The following ITGA2 variants were observed in gnomAD, a reference collection of about 807,000 sequenced individuals.
The protein encoded by ITGA2 is integrin subunit alpha 2.
ITGA2 carries 101 observed loss-of-function variants against 146.3 expected under a neutral mutation model. That is an observed-to-expected ratio of 0.69 (90% confidence interval 0.59 to 0.81). ITGA2 has a LOEUF of 0.81. ITGA2 is among the 40% of genes least tolerant of loss of function. The probability of loss-of-function intolerance (pLI) is 0.00; values close to 1 mark genes in which losing one functional copy is unlikely to be tolerated. For missense variants in ITGA2, 1,281 were observed against 1,402.7 expected (o/e 0.91, Z 1.39); for synonymous variants, 477 against 487.1 (o/e 0.98, Z 0.27).
At chr5:53,063,502 C>T (rs1405157114) in intron 13 of ITGA2, among the ~76,000 whole-genome samples, 1 of 151,328 alleles carries the variant, frequency 6.6e-6, no homozygotes, top group Non-Finnish European at 1.5e-5. Context: ...CATAATTTTT[C>T]CAATTTGTGG....
chr5:53,066,959 C>T (rs569029563), intron 15 of ITGA2, among the ~76,000 whole-genome samples, 159 bp from the exon 16 acceptor site: 1 of 151,828 alleles, frequency 6.6e-6, no homozygotes, highest in South Asian at 2.1e-4. Flanking sequence ...CTCTGTCTGC[C>T]ATCTTAGAGC....
chr5:53,009,724 T>C (rs1040883144), intron 1 of ITGA2, among the ~76,000 whole-genome samples: 2 of 152,164 alleles, frequency 1.3e-5, no homozygotes, highest in African/African-American at 4.8e-5. Context: ...AAAATGCATG[T>C]GTTGAAATGC....
intron 23 of ITGA2, 33 bp downstream of exon 23, chr5:53,075,337 G>A (rs1157418315): frequency 6.5e-7 from 1 of 1,539,378 alleles, no homozygotes; most frequent in Admixed American, 1.7e-5. Context: ...TGCTATCACT[G>A]ACACCAACTC....
At chr5:53,003,678 C>G (rs1280068715) in intron 1 of ITGA2, among the ~76,000 whole-genome samples, 1 of 152,210 alleles carries the variant, frequency 6.6e-6, no homozygotes, top group South Asian at 2.1e-4. Flanking sequence ...ATCACAAAGT[C>G]TCACCTAGAT....
chr5:53,038,265 G>A (rs2111868207), intron 2 of ITGA2, among the ~76,000 whole-genome samples: 1 of 151,652 alleles, frequency 6.6e-6, no homozygotes, highest in East Asian at 1.9e-4. Context: ...TTGTTTCTCA[G>A]CAAGCCTCTC....
intron 4 of ITGA2, among the ~76,000 whole-genome samples, chr5:53,047,516 TG>T (rs1405216847): frequency 2.0e-5 from 3 of 152,174 alleles, no homozygotes; most frequent in Non-Finnish European, 4.4e-5. Context: ...TGCAGTTAAT[TG>T]GGAAGTGGCC....
chr5:53,046,564 T>C (rs1561119482), intron 4 of ITGA2, among the ~76,000 whole-genome samples: 1 of 151,980 alleles, frequency 6.6e-6, no homozygotes, highest in East Asian at 1.9e-4. Context: ...TACTGATATT[T>C]AGAGATTACA....
chr5:53,056,071 T>C lies in ITGA2; in HGVS notation c.1018T>C (p.Tyr340His), dbSNP rs1175571390. Residue 340 changes from tyrosine to histidine, a missense_variant, in exon 9 of 30, where the codon TAC becomes CAC. Tyr to His is a moderately conservative substitution (Grantham distance 83). Coordinates refer to ENST00000296585, the MANE Select transcript of ITGA2 (RefSeq NM_002203.4). ...AATCGCTAGTATTCCAACAGAAAGA[T>C]ACTTTTTCAATGTGTCTGATGAAGC... ...KAIASIPTER[Y>H]FFNVSDEAAL... 2 of 1,611,664 alleles carry C rather than the reference T, an allele frequency of 1.2e-6. No individual in the cohort carries two copies. Among genetic ancestry groups the C allele is most frequent in the East Asian group, 4.5e-5 (2 of 44,728 alleles).
chr5:52,989,611 G>A (rs1244284247), intron 1 of ITGA2, 79 bp downstream of exon 1: 20 of 1,489,150 alleles, frequency 1.3e-5, no homozygotes, highest in Non-Finnish European at 1.9e-5. Context: ...GGATTGGGCG[G>A]AACTAGGGAG....
Position 53,074,449 on chromosome 5 carries a change from G to C in ITGA2, c.2636G>C (p.Gly879Ala). ...ASQKSVACDV[G>A]YPALKREQQV... ...CAGAAGTCTGTTGCCTGCGATGTAG[G>C]CTACCCTGCTTTAAAGAGAGAACAA... The change falls in exon 21 of 30, where the codon GGC (glycine) becomes GCC (alanine). Residue 879 changes from glycine (G) to alanine (A), a missense_variant. Transcript: ENST00000296585. 1 of 1,612,284 alleles carries C rather than the reference G, an allele frequency of 6.2e-7. No individual in the cohort carries two copies. Among genetic ancestry groups the C allele is most frequent in the East Asian group, 2.2e-5 (1 of 44,774 alleles).
In ITGA2 at chr5:53,051,541, G is replaced by T. The variant is rs1744365374; in HGVS notation, c.761G>T (p.Gly254Val). Residue 254 changes from glycine (G) to valine (V), a missense_variant, in exon 7 of 30, where the codon GGA becomes GTA. By Grantham distance (109) the Gly-to-Val change is moderately radical. Transcript: ENST00000296585. ...GGTGGGGACCTCACAAACACATTCG[G>T]AGCAATTCAATATGCAAGGTAAGTT... ...QYGGDLTNTF[G>V]AIQYARKYAY... The T allele has an allele frequency of 3.7e-6, 6 of 1,613,408 alleles. No homozygotes were observed. Among genetic ancestry groups the T allele is most frequent in the Non-Finnish European group, 4.2e-6 (5 of 1,179,618 alleles).
intron 1 of ITGA2, among the ~76,000 whole-genome samples, chr5:52,996,899 G>A (rs1741289053): frequency 6.6e-6 from 1 of 152,170 alleles, no homozygotes; most frequent in Non-Finnish European, 1.5e-5. Flanking sequence ...CAGAGAAATA[G>A]TGTTGTCTCT....
chr5:52,991,503 A>G (rs779317639), intron 1 of ITGA2, among the ~76,000 whole-genome samples: 1 of 152,146 alleles, frequency 6.6e-6, no homozygotes, highest in Non-Finnish European at 1.5e-5. Flanking sequence ...TTTAAAAGCT[A>G]TGTATGTGAC....
intron 10 of ITGA2, 78 bp from the exon 11 acceptor site, chr5:53,059,796 T>A (rs1744815967): frequency 1.6e-6 from 2 of 1,287,840 alleles, no homozygotes; most frequent in Non-Finnish European, 2.2e-6. Context: ...ACAACTTATT[T>A]CAATGTTTTG....
chr5:53,004,186 A>T (rs182811430), intron 1 of ITGA2, among the ~76,000 whole-genome samples: 1 of 152,176 alleles, frequency 6.6e-6, no homozygotes, highest in Admixed American at 6.5e-5. Flanking sequence ...GGATAAAATT[A>T]CATCCAGTTG....
intron 1 of ITGA2, among the ~76,000 whole-genome samples, chr5:52,995,188 GA>G (rs1292213234): frequency 1.3e-5 from 2 of 152,166 alleles, no homozygotes; most frequent in Non-Finnish European, 2.9e-5. Context: ...ACCAGACCTT[GA>G]AGGGCCTTGT....
chr5:53,056,050 G>A lies in ITGA2; in HGVS notation c.997G>A (p.Ala333Thr), dbSNP rs200220034. ...KNLIKEIKAI[A>T]SIPTERYFFN... Reference sequence around the variant, plus strand: ...TTTAATAAAAGAAATAAAAGCAATCGCTAGTATTCCAACAGAAAGATACTT... The same window carrying A: ...TTTAATAAAAGAAATAAAAGCAATCACTAGTATTCCAACAGAAAGATACTT... The change falls in exon 9 of 30, where the codon GCT becomes ACT. Residue 333 changes from alanine to threonine, a missense_variant. By Grantham distance (58) the Ala-to-Thr change is moderately conservative (BLOSUM62 0). Transcript: ENST00000296585. 2.3e-5 allele frequency: 37 copies of A among 1,610,316 alleles called. No homozygotes were observed. The East Asian group carries it at 3.1e-4, about 14-fold the overall frequency.
At chr5:53,005,416 T>C (rs1006430694) in intron 1 of ITGA2, among the ~76,000 whole-genome samples, 1 of 151,966 alleles carries the variant, frequency 6.6e-6, no homozygotes, top group African/African-American at 2.4e-5. Context: ...ACCCCATCTG[T>C]ACTAAAAATA....
chr5:53,061,900 C>T (rs1219627682), intron 12 of ITGA2, among the ~76,000 whole-genome samples: 4 of 151,848 alleles, frequency 2.6e-5, no homozygotes, highest in Non-Finnish European at 4.4e-5. Flanking sequence ...CTTCCGTGAC[C>T]ACAAATTAGC....
Sources: allele counts gnomAD v4.1 joint callset (sites outside exome capture counted in the v4.1 genomes callset), GRCh38; gene constraint gnomAD v4.1.1; transcripts MANE v1.5; gene names NCBI Gene and HGNC (gene_info 2026-07-23, HGNC 2026-07-21).